The following RAB31 variants were observed in gnomAD, a reference collection of about 807,000 sequenced individuals.
RAB31 encodes the protein RAB31, member RAS oncogene family.
RAB31 carries 21 observed loss-of-function variants against 25.6 expected under a neutral mutation model. That is an observed-to-expected ratio of 0.82 (90% CI 0.58 to 1.18). RAB31 has a LOEUF of 1.18. Among genes scored for constraint, RAB31 ranks in the 50% most tolerant of loss-of-function variants. RAB31 has a pLI of 0.00. For missense variants in RAB31, 196 were observed against 250.1 expected, an observed-to-expected ratio of 0.78 and a Z score of 1.46; for synonymous variants, 87 against 84.0, an observed-to-expected ratio of 1.04 and a Z score of -0.20.
chr18:9,783,684 T>C (rs1246743785), intron 2 of RAB31, among the ~76,000 whole-genome samples: 1 of 152,190 alleles, frequency 6.6e-6, no homozygotes, highest in Admixed American at 6.5e-5. Flanking sequence ...TAAAATGTAC[T>C]ACTACAAAAG....
chr18:9,818,230 A>G (rs749979043), intron 5 of RAB31, among the ~76,000 whole-genome samples: 1 of 152,208 alleles, frequency 6.6e-6, no homozygotes, highest in Non-Finnish European at 1.5e-5. Flanking sequence ...GTAAATTACA[A>G]AACATCACGG....
At chr18:9,818,247 G>C (rs1463837550) in intron 5 of RAB31, among the ~76,000 whole-genome samples, 1 of 152,134 alleles carries the variant, frequency 6.6e-6, no homozygotes, top group Non-Finnish European at 1.5e-5. Flanking sequence ...ACGGTCACCT[G>C]TTTTAAGTGT....
chr18:9,803,405 T>C (rs1330365818), intron 3 of RAB31, among the ~76,000 whole-genome samples: 1 of 152,042 alleles, frequency 6.6e-6, no homozygotes, highest in Non-Finnish European at 1.5e-5. Flanking sequence ...CTGGCTAATA[T>C]TTTTTGTTTG....
rs550401053 is a variant in RAB31 at position 9,743,863 on chromosome 18, G to C, written c.40-31415G>C. Among the ~76,000 whole-genome samples the C allele has an allele frequency of 3.9e-5, 6 of 152,282 alleles. No individual in the cohort carries two copies. In the South Asian group the frequency reaches 1.2e-3, roughly 32 times the overall value. On this transcript the variant is annotated intron_variant, in intron 1 of 6. Transcript: ENST00000578921. ...AGACAGATCTAACTGTGGACTCCCG[G>C]GTGCGGTCTGTGCCTGTTGGGAAGA...
intron 1 of RAB31, among the ~76,000 whole-genome samples, chr18:9,740,911 C>G (rs1193925349): frequency 6.6e-6 from 1 of 152,130 alleles, no homozygotes; most frequent in African/African-American, 2.4e-5. Flanking sequence ...TTTGATATGT[C>G]AGCAGTAGCA....
chr18:9,734,949 A>G, intron 1 of RAB31: 1 of 307,208 alleles, frequency 3.3e-6, no homozygotes, highest in Non-Finnish European at 6.7e-6. Context: ...ATAGTAGCCC[A>G]GTTGCACCAC....
chr18:9,782,996 G>A (rs916496767), intron 2 of RAB31, among the ~76,000 whole-genome samples: 12 of 152,066 alleles, frequency 7.9e-5, no homozygotes, highest in African/African-American at 2.9e-4. Flanking sequence ...ACAAATCTCA[G>A]TCAACAAAAA....
intron 3 of RAB31, among the ~76,000 whole-genome samples, chr18:9,811,859 A>G (rs2068573323): frequency 6.6e-6 from 1 of 152,262 alleles, no homozygotes. Flanking sequence ...CTATAAATAA[A>G]AATCATCATT....
At chr18:9,812,192 C>T (rs992677941) in intron 3 of RAB31, among the ~76,000 whole-genome samples, 9 of 152,194 alleles carry the variant, frequency 5.9e-5, no homozygotes, top group Non-Finnish European at 1.0e-4. Context: ...CCTAATACCG[C>T]CACGTTGGGA....
chr18:9,715,629 A>G (rs553623998), intron 1 of RAB31, among the ~76,000 whole-genome samples: 1 of 150,940 alleles, frequency 6.6e-6, no homozygotes, highest in East Asian at 2.0e-4. Context: ...TCCTGGGTTC[A>G]AGCGATTCTC....
At chr18:9,832,895 G>T (rs552983463) in intron 5 of RAB31, among the ~76,000 whole-genome samples, 1 of 152,312 alleles carries the variant, frequency 6.6e-6, no homozygotes, top group South Asian at 2.1e-4. Flanking sequence ...TCCCTGCGGG[G>T]CACGAGGGCA....
intron 1 of RAB31, among the ~76,000 whole-genome samples, chr18:9,725,545 G>A (rs2068092739): frequency 6.6e-6 from 1 of 152,166 alleles, no homozygotes; most frequent in African/African-American, 2.4e-5. Context: ...ACTTAACTGT[G>A]CCACAAACCA....
intron 1 of RAB31, among the ~76,000 whole-genome samples, chr18:9,747,807 A>G (rs1416128233): frequency 1.3e-5 from 2 of 152,242 alleles, no homozygotes; most frequent in East Asian, 3.8e-4. Context: ...TTGTGGATGT[A>G]CTAAATGCCA....
rs746152315 is a variant in RAB31, at chr18:9,766,733, G to A, written c.40-8545G>A. On this transcript the variant is annotated intron_variant, in intron 1 of 6. Coordinates refer to ENST00000578921, the MANE Select transcript of RAB31 (RefSeq NM_006868.4). This position sits in a 1 kb window ranked among gnomAD's most constrained non-coding sequence, Gnocchi z 4.3. ...ACTTTGGGAGGCTGAGGTGGGGATCGCTTGAGGCCAGGAGTTTGAGACCAG... is the reference window on the plus strand; with the variant it reads ...ACTTTGGGAGGCTGAGGTGGGGATCACTTGAGGCCAGGAGTTTGAGACCAG... Among the ~76,000 whole-genome samples, 2 of 152,042 alleles carry A rather than the reference G, an allele frequency of 1.3e-5. No individual in the cohort carries two copies. The highest frequency in any genetic ancestry group is 1.5e-5 in the Non-Finnish European group (1 of 68,002).
intron 2 of RAB31, chr18:9,787,535 G>A (rs1423361486): frequency 1.6e-5 from 3 of 193,490 alleles, no homozygotes; most frequent in Non-Finnish European, 3.6e-5. Flanking sequence ...AATGAGTGTG[G>A]CAAAGCCTTC....
At chr18:9,791,797 G>C (rs1316432943) in intron 2 of RAB31, among the ~76,000 whole-genome samples, 1 of 152,036 alleles carries the variant, frequency 6.6e-6, no homozygotes, top group South Asian at 2.1e-4. Flanking sequence ...GTAGAGACAG[G>C]GTTTCACCAT....
At chr18:9,822,417 A>G (rs981592819) in intron 5 of RAB31, among the ~76,000 whole-genome samples, 2 of 152,226 alleles carry the variant, frequency 1.3e-5, no homozygotes, top group African/African-American at 4.8e-5. Context: ...TCTTAGACTT[A>G]TCATTAAAAG....
chr18:9,747,788 T>C (rs1358711260), intron 1 of RAB31, among the ~76,000 whole-genome samples: 2 of 152,208 alleles, frequency 1.3e-5, no homozygotes, highest in Non-Finnish European at 2.9e-5. Flanking sequence ...AGGGTGGCGG[T>C]TGCCACCATT....
At chr18:9,754,031 C>A (rs928479782) in intron 1 of RAB31, among the ~76,000 whole-genome samples, 6 of 152,134 alleles carry the variant, frequency 3.9e-5, no homozygotes, top group Non-Finnish European at 7.4e-5. Flanking sequence ...CATAAGTAGT[C>A]CCACCCAAGA....
Sources: allele counts gnomAD v4.1 joint callset (sites outside exome capture counted in the v4.1 genomes callset), GRCh38; gene constraint gnomAD v4.1.1; non-coding constraint Gnocchi (gnomAD v3.1); transcripts MANE v1.5; gene names NCBI Gene and HGNC (gene_info 2026-07-23, HGNC 2026-07-21).